The following TTC13 variants were observed in gnomAD, a reference collection of about 807,000 sequenced individuals.
TTC13 encodes tetratricopeptide repeat protein 13.
TTC13 carries 62 observed loss-of-function variants against 120.0 expected under a neutral mutation model. That is an observed-to-expected ratio of 0.52 (90% CI 0.42 to 0.64). The LOEUF (loss-of-function observed/expected upper bound fraction) is 0.64. TTC13 is among the 30% of genes least tolerant of loss of function. The probability of loss-of-function intolerance (pLI) is 0.00; values close to 1 mark genes in which losing one functional copy is unlikely to be tolerated. For synonymous variants in TTC13, 384 were observed against 393.5 expected (o/e 0.98, Z 0.28); for missense variants, 824 against 1,050.2 (o/e 0.78, Z 2.98).
At chr1:230,914,471 T>C (rs1219126991) in intron 18 of TTC13, among the ~76,000 whole-genome samples, 3 of 152,150 alleles carry the variant, frequency 2.0e-5, no homozygotes, top group African/African-American at 7.2e-5. Flanking sequence ...CTCGGCTCAC[T>C]GCAACCTCCC....
At chr1:230,931,629 G>A in intron 10 of TTC13, 107 bp downstream of exon 10, 2 of 1,477,238 alleles carry the variant, frequency 1.4e-6, no homozygotes, top group South Asian at 2.6e-5. Flanking sequence ...CTTTTTGTTG[G>A]AGTAGAAACA....
intron 11 of TTC13, 26 bp downstream of exon 11, chr1:230,931,272 A>T (rs1673531424): frequency 6.2e-7 from 1 of 1,607,726 alleles, no homozygotes; most frequent in East Asian, 2.2e-5. Flanking sequence ...ATGAAAATCC[A>T]ACAATTCTGT....
intron 1 of TTC13, among the ~76,000 whole-genome samples, chr1:230,974,220 A>G (rs1678038139): frequency 1.3e-5 from 2 of 152,176 alleles, no homozygotes; most frequent in African/African-American, 4.8e-5. Flanking sequence ...ACTCTATCTA[A>G]GTCTCAGCTC....
At position 230,978,796 on chromosome 1, in the gene TTC13, A is replaced by G. The variant is rs1275201234; in HGVS notation, c.35T>C (p.Phe12Ser). The G allele has an allele frequency of 1.3e-6, 2 of 1,495,878 alleles. No homozygotes were observed. Among genetic ancestry groups the G allele is most frequent in the East Asian group, 2.7e-5 (1 of 37,028 alleles). The allele number at this position is 1,495,878 out of a possible 1,614,324, so 92.7% of individuals were successfully genotyped here. A position where few individuals can be genotyped will look rare whatever the true frequency, so the allele number is the denominator to read the frequency against. The change falls in exon 1 of 23, where the codon TTC (phenylalanine) becomes TCC (serine). Residue 12 changes from phenylalanine to serine, a missense_variant. Coordinates refer to ENST00000366661, the MANE Select transcript of TTC13 (RefSeq NM_024525.5). This position sits in a 1 kb window ranked among gnomAD's most constrained non-coding sequence, Gnocchi z 5.6. ...CGCGGCGGCCACAGCGCCGCCCCAG[A>G]AGCAGCAGCAGCAGCAGCAGCCGGC... ...APAGCCCCCC[F>S]WGGAVAAAGA...
chr1:230,971,141 C>T (rs1418588995), intron 1 of TTC13, among the ~76,000 whole-genome samples: 5 of 151,822 alleles, frequency 3.3e-5, no homozygotes, highest in Admixed American at 2.0e-4. Flanking sequence ...GTCAGGAGAT[C>T]GAGACCATCC....
intron 12 of TTC13, 134 bp from the exon 13 acceptor site, chr1:230,925,781 G>T (rs1672995925): frequency 1.0e-6 from 1 of 962,190 alleles, no homozygotes; most frequent in Non-Finnish European, 1.6e-6. Context: ...CCTTACTTCA[G>T]TCCTTTGCAC....
intron 9 of TTC13, 142 bp from the exon 10 acceptor site, chr1:230,932,019 G>T (rs1186823202): frequency 5.7e-6 from 4 of 700,996 alleles, no homozygotes; most frequent in Non-Finnish European, 9.3e-6. Flanking sequence ...TATAGCCTCT[G>T]ACACATTACA....
Position 230,912,620 on chromosome 1 carries a change from T to A in TTC13, c.2229+3A>T. The stretch of plus-strand genomic sequence containing the variant: ...AGAAAAATGGAAACAAAGAGAAACC[T>A]ACCCCAAATTCTGATGAAAGAATCA... On this transcript the variant is annotated splice_donor_region_variant and intron_variant, in intron 19 of 22. Coordinates refer to ENST00000366661, the MANE Select transcript of TTC13 (RefSeq NM_024525.5). The A allele has an allele frequency of 6.2e-7, 1 of 1,608,738 alleles. No homozygotes were observed. The highest frequency in any genetic ancestry group is 8.5e-7 in the Non-Finnish European group (1 of 1,179,016).
intron 4 of TTC13, 62 bp from the exon 5 acceptor site, chr1:230,945,516 T>C: frequency 1.3e-6 from 2 of 1,516,710 alleles, no homozygotes; most frequent in South Asian, 1.1e-5. Context: ...AAAAATCAGT[T>C]TCTGCTTAAA....
intron 3 of TTC13, 130 bp downstream of exon 3, chr1:230,958,094 C>T (rs1041047978): frequency 4.0e-5 from 30 of 751,760 alleles, no homozygotes; most frequent in Admixed American, 2.2e-4. Context: ...CTGAATGCTC[C>T]ATGCAAGATC....
chr1:230,957,589 T>C (rs904299801), intron 3 of TTC13, among the ~76,000 whole-genome samples: 4 of 152,230 alleles, frequency 2.6e-5, no homozygotes, highest in African/African-American at 7.2e-5. Flanking sequence ...TGTGCTTCAA[T>C]AGTTTGCCCA....
intron 1 of TTC13, among the ~76,000 whole-genome samples, chr1:230,975,451 A>G (rs1558231707): frequency 6.6e-6 from 1 of 152,332 alleles, no homozygotes; most frequent in Admixed American, 6.5e-5. Context: ...TTATGACAAT[A>G]TAACTAAAAA....
intron 17 of TTC13, among the ~76,000 whole-genome samples, chr1:230,916,562 CA>C (rs1257814437): frequency 6.6e-6 from 1 of 152,302 alleles, no homozygotes; most frequent in African/African-American, 2.4e-5. Flanking sequence ...TTCTCTTCGT[CA>C]ACAAGGGGCA....
intron 2 of TTC13, among the ~76,000 whole-genome samples, chr1:230,959,455 C>T (rs1296020546): frequency 6.6e-6 from 1 of 151,912 alleles, no homozygotes; most frequent in Non-Finnish European, 1.5e-5. Flanking sequence ...GATCTCGGCT[C>T]ACCACAACCT....
Position 230,943,841 on chromosome 1 carries a change from G to A in TTC13, c.637C>T (p.Pro213Ser). The A allele has an allele frequency of 6.8e-6, 11 of 1,612,084 alleles. No homozygotes were observed. Among genetic ancestry groups the A allele is most frequent in the Non-Finnish European group, 9.3e-6 (11 of 1,178,672 alleles). ...TGCTCAAATACCTCTGGACGATCTG[G>A]TTCCAAGGTAATTACTCGGCTCAGT... is the stretch of plus-strand genomic sequence containing the variant. ...FELSRVITLEPDRPEVFEQRA... is the reference protein window; with the variant it reads ...FELSRVITLESDRPEVFEQRA... Residue 213 changes from proline to serine, a missense_variant, in exon 6 of 23, where the codon CCA (proline) becomes TCA (serine). By Grantham distance (74) the Pro-to-Ser change is moderately conservative. Coordinates refer to ENST00000366661, the MANE Select transcript of TTC13 (RefSeq NM_024525.5).
chr1:230,965,543 C>T (rs1430704063), intron 1 of TTC13, among the ~76,000 whole-genome samples: 2 of 152,138 alleles, frequency 1.3e-5, no homozygotes, highest in African/African-American at 2.4e-5. Context: ...AGCAGAACCA[C>T]GATAGAGAAC....
chr1:230,933,759 A>G lies in TTC13; in HGVS notation c.983+20T>C, dbSNP rs1371717772. On this transcript the variant is annotated intron_variant, in intron 9 of 22. Transcript: ENST00000366661. ...ACTCTTCAGCCTCCCTCCTACCCCA[A>G]CTGTTATTATTTTACTCACCTATAT... The G allele has an allele frequency of 1.4e-6, 2 of 1,451,154 alleles. No individual in the cohort carries two copies. The highest frequency in any genetic ancestry group is 1.9e-6 in the Non-Finnish European group (2 of 1,050,386). 89.9% of individuals were successfully genotyped at this position (1,451,154 alleles called of 1,614,324 possible).
At chr1:230,959,703 T>C (rs1307958748) in intron 2 of TTC13, among the ~76,000 whole-genome samples, 2 of 152,360 alleles carry the variant, frequency 1.3e-5, no homozygotes, top group South Asian at 2.1e-4. Flanking sequence ...AAATTCTTGA[T>C]GAAAAAGACC....
chr1:230,940,966 G>A lies in TTC13; in HGVS notation c.673-410C>T, dbSNP rs1674488293. 1.3e-5 allele frequency among the ~76,000 whole-genome samples: 2 copies of A among 152,190 alleles called. No homozygotes were observed. Among genetic ancestry groups the A allele is most frequent in the Admixed American group, 6.5e-5 (1 of 15,284 alleles). ...GACAAATTATCGGACACAGATTAGA[G>A]TCTTCCATGGTCTTTAGCTCTGTCC... On this transcript the variant is annotated intron_variant, in intron 6 of 22. Transcript: ENST00000366661. This position sits in a 1 kb window ranked among gnomAD's most constrained non-coding sequence, Gnocchi z 4.1.
Sources: gnomAD v4.1 joint callset for allele counts (sites outside exome capture counted in the v4.1 genomes callset) on GRCh38, gnomAD v4.1.1 for gene constraint, Gnocchi (gnomAD v3.1) non-coding constraint, MANE v1.5 for transcripts, NCBI Gene and HGNC (gene_info 2026-07-23, HGNC 2026-07-21) for gene names.